Variants in NTRK2 observed in about 807,000 individuals in gnomAD.
NTRK2 encodes the protein BDNF/NT-3 growth factors receptor.
NTRK2 carries 13 observed loss-of-function variants against 94.5 expected under a neutral mutation model. The ratio of observed to expected loss-of-function variants is 0.14; its 90% CI spans 0.09 to 0.22. The LOEUF is 0.22. Among genes scored for constraint, NTRK2 ranks in the 10% least tolerant of loss-of-function variants. The probability of loss-of-function intolerance (pLI) is 1.00; values close to 1 mark genes in which losing one functional copy is unlikely to be tolerated. For synonymous variants in NTRK2, 372 were observed against 407.4 expected (o/e 0.91, Z 1.05); for missense variants, 639 against 1,071.2 (o/e 0.60, Z 5.63).
chr9:84,834,732 T>TACGC (rs1265925696), intron 12 of NTRK2, among the ~76,000 whole-genome samples: 1 of 152,184 alleles, frequency 6.6e-6, no homozygotes, highest in Non-Finnish European at 1.5e-5. Context: ...TCTGTAACAT[T>TACGC]ACGCACAAAC....
At chr9:84,686,798 T>A (rs2059744783) in intron 2 of NTRK2, among the ~76,000 whole-genome samples, 1 of 152,164 alleles carries the variant, frequency 6.6e-6, no homozygotes, top group Non-Finnish European at 1.5e-5. Context: ...TTTTGATAGG[T>A]GCTTGCAAAA....
Position 84,702,167 on chromosome 9 carries a change from C to T in NTRK2, c.221C>T (p.Ala74Val). The T allele has an allele frequency of 6.2e-7, 1 of 1,614,068 alleles. No homozygotes were observed. Among genetic ancestry groups the T allele is most frequent in the Non-Finnish European group, 8.5e-7 (1 of 1,179,960 alleles). ...TCTCTGCTTTGTTACAGTTTCATCG[C>T]AAACCAGAAAAGGTTAGAAATCATC... ...DPENITEIFIANQKRLEIINE... is the reference protein window; with the variant it reads ...DPENITEIFIVNQKRLEIINE... The change falls in exon 3 of 19, where the codon GCA (alanine) becomes GTA (valine). Residue 74 changes from alanine to valine, a missense_variant. By Grantham distance (64) the Ala-to-Val change is moderately conservative. Transcript: ENST00000277120.
At chr9:84,744,423 T>G (rs1415570095) in intron 10 of NTRK2, among the ~76,000 whole-genome samples, 2 of 152,186 alleles carry the variant, frequency 1.3e-5, no homozygotes, top group Admixed American at 6.5e-5. Context: ...GTTCCACATA[T>G]CCTCTTACGT....
chr9:84,774,910 A>G (rs1004807066), intron 12 of NTRK2, among the ~76,000 whole-genome samples: 1 of 152,200 alleles, frequency 6.6e-6, no homozygotes, highest in Non-Finnish European at 1.5e-5. Context: ...AAAAAAGAAG[A>G]CAAAAAGAAA....
chr9:84,810,826 T>C, intron 12 of NTRK2: 1 of 1,352,434 alleles, frequency 7.4e-7, no homozygotes, highest in Non-Finnish European at 9.5e-7. Context: ...CAAGAAAACA[T>C]GTTAAATTAA....
At chr9:85,005,637 C>G (rs1292360162) in intron 17 of NTRK2, among the ~76,000 whole-genome samples, 2 of 152,166 alleles carry the variant, frequency 1.3e-5, no homozygotes, top group Admixed American at 6.5e-5. Context: ...CCAATGATAA[C>G]CCTGAGTAAC....
chr9:84,756,753 C>T (rs1442908422), intron 12 of NTRK2, among the ~76,000 whole-genome samples: 2 of 152,188 alleles, frequency 1.3e-5, no homozygotes, highest in East Asian at 3.8e-4. Context: ...GTAAACTCCC[C>T]TATCCACATT....
rs1165996751 is a variant in NTRK2, at chr9:84,784,473, GA to G, written c.1396+32390del. Reference sequence around the variant, plus strand: ...ACTCTTTCTTCATGGTGCTGTGGTGGAAGTGAAATTAGATTATGCATGTTAC... The same window carrying G: ...ACTCTTTCTTCATGGTGCTGTGGTGGAGTGAAATTAGATTATGCATGTTAC... On this transcript the variant is annotated intron_variant, in intron 12 of 18. Transcript: ENST00000277120. Among the ~76,000 whole-genome samples, 3 of 152,288 alleles carry G rather than the reference GA, an allele frequency of 2.0e-5. No homozygotes were observed. In the East Asian group the frequency reaches 5.8e-4, roughly 29 times the overall value.
chr9:84,881,154 G>T (rs961245114), intron 14 of NTRK2, among the ~76,000 whole-genome samples: 1 of 152,124 alleles, frequency 6.6e-6, no homozygotes, highest in Admixed American at 6.5e-5. Context: ...CTGGGGTGGG[G>T]GTTATGTATG....
chr9:84,754,653 G>A (rs71506668), intron 12 of NTRK2, among the ~76,000 whole-genome samples: 3,970 of 152,238 alleles, frequency 0.026, 76 homozygotes, highest in Admixed American at 0.047. Context: ...TAGTAACAAC[G>A]GTATGAACTG....
At chr9:84,745,506 T>C (rs1588317771) in intron 11 of NTRK2, among the ~76,000 whole-genome samples, 1 of 152,132 alleles carries the variant, frequency 6.6e-6, no homozygotes, top group Admixed American at 6.5e-5. Flanking sequence ...AGATTAGTTG[T>C]TTAGAATTCA....
chr9:84,759,470 C>A (rs1266611260), intron 12 of NTRK2, among the ~76,000 whole-genome samples: 1 of 152,218 alleles, frequency 6.6e-6, no homozygotes, highest in Admixed American at 6.5e-5. Flanking sequence ...CCCACAACCG[C>A]AGCATGATTC....
intron 14 of NTRK2, among the ~76,000 whole-genome samples, chr9:84,880,650 A>C (rs1260231668): frequency 6.6e-6 from 1 of 152,256 alleles, no homozygotes; most frequent in African/African-American, 2.4e-5. Flanking sequence ...GGAGATATCA[A>C]GGAGCTGATA....
chr9:84,797,588 A>G (rs2069533375), intron 12 of NTRK2, among the ~76,000 whole-genome samples: 1 of 91,664 alleles, frequency 1.1e-5, no homozygotes, highest in African/African-American at 4.3e-5. Flanking sequence ...TATATATACT[A>G]TATATACTAT....
intron 14 of NTRK2, among the ~76,000 whole-genome samples, chr9:84,920,334 T>G (rs1317340363): frequency 6.6e-6 from 1 of 152,184 alleles, no homozygotes; most frequent in East Asian, 1.9e-4. Flanking sequence ...TTTAATTCTC[T>G]TGACAGGTCA....
chr9:84,745,343 G>C (rs2063977020), intron 11 of NTRK2, among the ~76,000 whole-genome samples: 1 of 152,164 alleles, frequency 6.6e-6, no homozygotes, highest in Non-Finnish European at 1.5e-5. Context: ...CACCAGAAGA[G>C]CAAGAAACCA....
intron 14 of NTRK2, chr9:84,875,390 T>C: frequency 9.4e-7 from 1 of 1,061,778 alleles, no homozygotes; most frequent in South Asian, 4.6e-5. Flanking sequence ...GCCTGTGTTA[T>C]GCGCTGGAAA....
At chr9:84,888,843 G>A (rs978574174) in intron 14 of NTRK2, among the ~76,000 whole-genome samples, 9 of 151,620 alleles carry the variant, frequency 5.9e-5, no homozygotes, top group Admixed American at 1.3e-4. Context: ...ACCCATAATA[G>A]CAAAAGCGTT....
At chr9:84,909,489 T>A (rs1359915411) in intron 14 of NTRK2, among the ~76,000 whole-genome samples, 1 of 152,166 alleles carries the variant, frequency 6.6e-6, no homozygotes, top group East Asian at 1.9e-4. Flanking sequence ...TAGTTGTTTT[T>A]TTTTTAAGAC....
Sources: allele counts gnomAD v4.1 joint callset (sites outside exome capture counted in the v4.1 genomes callset), GRCh38; gene constraint gnomAD v4.1.1; transcripts MANE v1.5; gene names NCBI Gene and HGNC (gene_info 2026-07-23, HGNC 2026-07-21).